ARHGAP44: variants seen among roughly 807,000 people sequenced by gnomAD.
The protein encoded by ARHGAP44 is Rho GTPase activating protein 44, also known as rho GTPase-activating protein 44.
Under a neutral mutation model 106.8 loss-of-function variants are expected in ARHGAP44, and 43 were observed. That is an observed-to-expected ratio of 0.40 (90% CI 0.32 to 0.52). The LOEUF (loss-of-function observed/expected upper bound fraction) is 0.52, where lower values mean the gene tolerates loss of function less well. Among genes scored for constraint, ARHGAP44 ranks in the 20% least tolerant of loss-of-function variants. The pLI is 0.48. For missense variants in ARHGAP44, 866 were observed against 1,050.5 expected, an observed-to-expected ratio of 0.82 and a Z score of 2.43; for synonymous variants, 439 against 410.3, an observed-to-expected ratio of 1.07 and a Z score of -0.85.
intron 20 of ARHGAP44, chr17:12,985,392 G>C (rs1324283323): frequency 1.3e-5 from 2 of 153,470 alleles, no homozygotes; most frequent in Non-Finnish European, 2.9e-5. Context: ...CTTCCAGATA[G>C]ATATTTAGAG....
At chr17:12,835,754 C>A (rs2035219590) in intron 1 of ARHGAP44, among the ~76,000 whole-genome samples, 1 of 152,034 alleles carries the variant, frequency 6.6e-6, no homozygotes, top group African/African-American at 2.4e-5. Context: ...ACTTTTTCAT[C>A]TTGCAACACT....
intron 1 of ARHGAP44, among the ~76,000 whole-genome samples, chr17:12,854,749 G>A (rs1488380440): frequency 6.6e-6 from 1 of 151,960 alleles, no homozygotes; most frequent in Admixed American, 6.6e-5. Context: ...ACCTTAGGTT[G>A]GGAGCTCGAG....
In ARHGAP44 at chr17:12,916,123, C is replaced by T. The variant is rs2037905485; in HGVS notation, c.387+112C>T. 4 of 823,222 alleles carry T rather than the reference C, an allele frequency of 4.9e-6. No homozygotes were observed. The Admixed American group carries it at 1.1e-4, about 22-fold the overall frequency. The allele number at this position is 823,222 out of a possible 1,614,324, so 51.0% of individuals were successfully genotyped here. ...TTCTTTCCCTTAACCTTCTCCCCAACATTGTTTTTCATCAGGGATTCTTAC... is the reference window on the plus strand; with the variant it reads ...TTCTTTCCCTTAACCTTCTCCCCAATATTGTTTTTCATCAGGGATTCTTAC... On this transcript the variant is annotated intron_variant, in intron 5 of 20. Transcript: ENST00000379672.
At chr17:12,898,242 G>A (rs1018067613) in intron 3 of ARHGAP44, among the ~76,000 whole-genome samples, 1 of 152,156 alleles carries the variant, frequency 6.6e-6, no homozygotes, top group Non-Finnish European at 1.5e-5. Context: ...CCAGTCAAGG[G>A]TGATTAGGGC....
At chr17:12,822,667 A>G (rs1323624939) in intron 1 of ARHGAP44, among the ~76,000 whole-genome samples, 1 of 152,188 alleles carries the variant, frequency 6.6e-6, no homozygotes, top group East Asian at 1.9e-4. Context: ...CTCAACAGAA[A>G]CAATTATGCA....
intron 6 of ARHGAP44, among the ~76,000 whole-genome samples, chr17:12,925,754 A>G (rs1224610320): frequency 6.6e-6 from 1 of 152,150 alleles, no homozygotes; most frequent in Non-Finnish European, 1.5e-5. Context: ...TCAAAGCTCA[A>G]AGTTTCCTTG....
chr17:12,943,661 C>T lies in ARHGAP44; in HGVS notation c.725C>T (p.Ala242Val), dbSNP rs778828069. 1 of 1,613,812 alleles carries T rather than the reference C, an allele frequency of 6.2e-7. No individual in the cohort carries two copies. Among genetic ancestry groups the T allele is most frequent in the South Asian group, 1.1e-5 (1 of 91,064 alleles). Reference sequence around the variant, plus strand: ...CAGGCTGTATTGCCTCAGATCAAAGCACAACAGGGTAAGTGCAGGCCTTCC... The same window carrying T: ...CAGGCTGTATTGCCTCAGATCAAAGTACAACAGGGTAAGTGCAGGCCTTCC... ...LLQAVLPQIK[A>V]QQEAWVEKPS... is the part of the protein sequence containing the mutation. Residue 242 changes from alanine to valine, a missense_variant, in exon 9 of 21, where the codon GCA (alanine) becomes GTA (valine). Coordinates refer to ENST00000379672, the MANE Select transcript of ARHGAP44 (RefSeq NM_014859.6).
intron 1 of ARHGAP44, among the ~76,000 whole-genome samples, chr17:12,842,438 GAAAAA>G (rs1254104790): frequency 7.8e-6 from 1 of 128,880 alleles, no homozygotes; most frequent in African/African-American, 3.8e-5. Flanking sequence ...AAAAAAGAAA[GAAAAA>G]AGAAAAGAAA....
At chr17:12,802,949 ATATATATATATATATATAT>A (rs2034149438) in intron 1 of ARHGAP44, among the ~76,000 whole-genome samples, 4 of 17,212 alleles carry the variant, frequency 2.3e-4, no homozygotes, top group South Asian at 2.7e-3. Flanking sequence ...ATATATATAT[ATATATATATATATATATAT>A]ATTTTTTTTT....
chr17:12,891,798 GTT>G (rs11408193), intron 1 of ARHGAP44, among the ~76,000 whole-genome samples: 1 of 142,592 alleles, frequency 7.0e-6, no homozygotes, highest in Non-Finnish European at 1.5e-5. Context: ...CATTTTTGGG[GTT>G]TTTTTTTTTT....
intron 16 of ARHGAP44, among the ~76,000 whole-genome samples, chr17:12,965,816 G>A (rs1307679157): frequency 6.6e-6 from 1 of 152,132 alleles, no homozygotes; most frequent in African/African-American, 2.4e-5. Context: ...TGCAGATGTG[G>A]ATGTCCTCTG....
chr17:12,852,509 A>G (rs1046883676), intron 1 of ARHGAP44, among the ~76,000 whole-genome samples: 33 of 147,060 alleles, frequency 2.2e-4, no homozygotes, highest in Non-Finnish European at 2.2e-4. Context: ...AAATATACAT[A>G]TATTTCTTGT....
intron 20 of ARHGAP44, chr17:12,987,047 C>A: frequency 6.7e-5 from 57 of 845,900 alleles, no homozygotes; most frequent in Non-Finnish European, 8.1e-5. Context: ...TTGTGACGTT[C>A]ATGTTTTGTC....
chr17:12,987,021 C>CTTT (rs3076704), intron 20 of ARHGAP44: 245 of 926,098 alleles, frequency 2.6e-4, no homozygotes, highest in South Asian at 8.7e-4. Flanking sequence ...ATTGGCATAG[C>CTTT]TTTTTTTTTT....
intron 1 of ARHGAP44, among the ~76,000 whole-genome samples, chr17:12,844,161 C>T (rs1330864152): frequency 6.7e-6 from 1 of 149,078 alleles, no homozygotes; most frequent in African/African-American, 2.5e-5. Flanking sequence ...CCGTAGAGCT[C>T]ACTCATCTTT....
At chr17:12,929,328 A>G (rs1399623766) in intron 7 of ARHGAP44, 1 of 265,674 alleles carries the variant, frequency 3.8e-6, no homozygotes, top group African/African-American at 2.2e-5. Flanking sequence ...GCTTTTGTAA[A>G]TCATCTGAGT....
chr17:12,880,498 A>T (rs995518885), intron 1 of ARHGAP44, among the ~76,000 whole-genome samples: 5 of 152,134 alleles, frequency 3.3e-5, no homozygotes, highest in African/African-American at 9.7e-5. Context: ...TAATTTAAGT[A>T]GTCTTTTTGT....
chr17:12,873,943 AAATAAATAAAAG>A (rs879459438), intron 1 of ARHGAP44, among the ~76,000 whole-genome samples: 12,004 of 83,392 alleles, frequency 0.14, 1,233 homozygotes, highest in African/African-American at 0.31. Flanking sequence ...ATAAATAAAT[AAATAAATAAAAG>A]AAAGAAAGAA....
In ARHGAP44 at chr17:12,832,975, G is replaced by A. The variant is rs549807144; in HGVS notation, c.53+43084G>A. Among the ~76,000 whole-genome samples the A allele has an allele frequency of 4.6e-5, 7 of 152,328 alleles. No individual in the cohort carries two copies. In the South Asian group the frequency reaches 8.3e-4, roughly 18 times the overall value. Reference sequence around the variant, plus strand: ...TGGCCTAACCTTTTCCTTCCCCGACGATAGCTATTCTCTGTTTCACTCATG... The same window carrying A: ...TGGCCTAACCTTTTCCTTCCCCGACAATAGCTATTCTCTGTTTCACTCATG... On this transcript the variant is annotated intron_variant, in intron 1 of 20. Coordinates refer to ENST00000379672, the MANE Select transcript of ARHGAP44 (RefSeq NM_014859.6).
Sources: allele counts gnomAD v4.1 joint callset (sites outside exome capture counted in the v4.1 genomes callset), GRCh38; gene constraint gnomAD v4.1.1; transcripts MANE v1.5; gene names NCBI Gene and HGNC (gene_info 2026-07-23, HGNC 2026-07-21).